Variants in PRKCA observed in about 807,000 individuals in gnomAD.
PRKCA encodes protein kinase C alpha type.
PRKCA carries 27 observed loss-of-function variants against 87.0 expected under a neutral mutation model. That is an observed-to-expected ratio of 0.31 (90% confidence interval 0.23 to 0.43). The LOEUF (loss-of-function observed/expected upper bound fraction) is 0.43. Among genes scored for constraint, PRKCA ranks in the 20% least tolerant of loss-of-function variants. The pLI is 1.00. For synonymous variants in PRKCA, 329 were observed against 311.1 expected (o/e 1.06, Z -0.61); for missense variants, 518 against 852.3 (o/e 0.61, Z 4.88).
chr17:66,701,201 T>G (rs755974031), intron 8 of PRKCA, among the ~76,000 whole-genome samples: 14 of 152,086 alleles, frequency 9.2e-5, no homozygotes, highest in Non-Finnish European at 1.5e-5. Flanking sequence ...AAAGCAAGGA[T>G]AGTCTCTTGA....
rs1398148570 is a variant in PRKCA, at chr17:66,735,486, C to T, written c.1057-3C>T. On this transcript the variant is annotated splice_polypyrimidine_tract_variant and splice_region_variant and intron_variant, in intron 9 of 16. Coordinates refer to ENST00000413366, the MANE Select transcript of PRKCA (RefSeq NM_002737.3). ...GTTCAGGTTGTTCTTGACGTGTTCT[C>T]AGGTGATGCTTGCCGACAGGAAGGG... 3 of 1,614,162 alleles carry T rather than the reference C, an allele frequency of 1.9e-6. No homozygotes were observed. The highest frequency in any genetic ancestry group is 2.2e-5 in the South Asian group (2 of 91,082).
intron 8 of PRKCA, among the ~76,000 whole-genome samples, chr17:66,725,350 A>G (rs917148289): frequency 6.6e-6 from 1 of 152,206 alleles, no homozygotes; most frequent in Non-Finnish European, 1.5e-5. Flanking sequence ...CAGTTCTGTC[A>G]GTCTTAGTGC....
chr17:66,656,783 A>C (rs142067497), intron 5 of PRKCA, among the ~76,000 whole-genome samples: 44 of 152,330 alleles, frequency 2.9e-4, no homozygotes, highest in African/African-American at 1.0e-3. Context: ...ATGTCCTAAA[A>C]TAAATGCAGA....
At chr17:66,514,214 C>T (rs1319250639) in intron 3 of PRKCA, among the ~76,000 whole-genome samples, 3 of 152,136 alleles carry the variant, frequency 2.0e-5, no homozygotes, top group Non-Finnish European at 4.4e-5. Flanking sequence ...GCCACGGTTT[C>T]AGGCATTTAC....
intron 2 of PRKCA, among the ~76,000 whole-genome samples, chr17:66,362,858 C>T (rs1908478003): frequency 6.6e-6 from 1 of 152,096 alleles, no homozygotes; most frequent in Non-Finnish European, 1.5e-5. Context: ...CCATGCCAGG[C>T]TAATTTTTGT....
intron 2 of PRKCA, among the ~76,000 whole-genome samples, chr17:66,439,202 A>G (rs546542215): frequency 5.1e-4 from 77 of 150,158 alleles, no homozygotes; most frequent in Middle Eastern, 3.4e-3. Flanking sequence ...TTTTATTGAG[A>G]CAGAGTCTTG....
At chr17:66,345,395 A>T (rs1333637023) in intron 2 of PRKCA, among the ~76,000 whole-genome samples, 3 of 152,118 alleles carry the variant, frequency 2.0e-5, no homozygotes, top group Non-Finnish European at 4.4e-5. Flanking sequence ...TTTCCTCTGG[A>T]ATCTTGCTTT....
At chr17:66,579,224 G>A (rs907149087) in intron 3 of PRKCA, among the ~76,000 whole-genome samples, 25 of 152,166 alleles carry the variant, frequency 1.6e-4, no homozygotes, top group Non-Finnish European at 2.8e-4. Context: ...CCATAATTAC[G>A]TAATTACCCT....
chr17:66,564,361 G>A (rs1157245249), intron 3 of PRKCA, among the ~76,000 whole-genome samples: 2 of 152,184 alleles, frequency 1.3e-5, no homozygotes, highest in Non-Finnish European at 2.9e-5. Flanking sequence ...TTATAGGTAT[G>A]AGCCACTGTG....
rs147337028 is a variant in PRKCA, at chr17:66,500,489, A to T, written c.288+4206A>T. Among the ~76,000 whole-genome samples the T allele has an allele frequency of 4.6e-5, 7 of 152,336 alleles. No homozygotes were observed. In the East Asian group the frequency reaches 1.3e-3, roughly 29 times the overall value. On this transcript the variant is annotated intron_variant, in intron 3 of 16. Transcript: ENST00000413366. Reference sequence around the variant, plus strand: ...TGAATACCATTTTTCTGCAAATCCCAGAAGTATTGAGCCAGAAGGGGTGTT... The same window carrying T: ...TGAATACCATTTTTCTGCAAATCCCTGAAGTATTGAGCCAGAAGGGGTGTT...
chr17:66,550,613 C>T (rs1968296150), intron 3 of PRKCA, among the ~76,000 whole-genome samples: 2 of 149,892 alleles, frequency 1.3e-5, no homozygotes, highest in African/African-American at 5.0e-5. Context: ...CGTGCCACTG[C>T]ACTCCAGCCT....
chr17:66,499,072 G>A (rs1431185113), intron 3 of PRKCA, among the ~76,000 whole-genome samples: 2 of 152,120 alleles, frequency 1.3e-5, no homozygotes, highest in Non-Finnish European at 1.5e-5. Flanking sequence ...GATGCCTGAC[G>A]CTGGGAGTCA....
At chr17:66,449,504 G>T (rs1342341932) in intron 2 of PRKCA, among the ~76,000 whole-genome samples, 1 of 152,092 alleles carries the variant, frequency 6.6e-6, no homozygotes, top group Non-Finnish European at 1.5e-5. Flanking sequence ...CCAACCAGTA[G>T]TACATCCTCA....
Position 66,319,431 on chromosome 17 carries a change from C to A in PRKCA, c.205+13304C>A, listed in dbSNP as rs1036111708. Among the ~76,000 whole-genome samples the A allele has an allele frequency of 3.3e-5, 5 of 152,200 alleles. No homozygotes were observed. In the East Asian group the frequency reaches 9.7e-4, roughly 29 times the overall value. ...ATTATTAAAGGTCAAAGTTTTATCT[C>A]GAAATTATGAAGCACGTTATTAACT... On this transcript the variant is annotated intron_variant, in intron 2 of 16. Coordinates refer to ENST00000413366, the MANE Select transcript of PRKCA (RefSeq NM_002737.3).
chr17:66,394,601 G>C (rs1910553054), intron 2 of PRKCA, among the ~76,000 whole-genome samples: 1 of 152,096 alleles, frequency 6.6e-6, no homozygotes. Flanking sequence ...GGGCGGATGG[G>C]ACCCATAATA....
chr17:66,785,720 C>G (rs1272835138), intron 14 of PRKCA, among the ~76,000 whole-genome samples: 1 of 152,228 alleles, frequency 6.6e-6, no homozygotes, highest in Non-Finnish European at 1.5e-5. Flanking sequence ...GTTGCTCTGT[C>G]TTAAATAATA....
At chr17:66,772,401 C>T (rs1375117562) in intron 13 of PRKCA, among the ~76,000 whole-genome samples, 1 of 151,940 alleles carries the variant, frequency 6.6e-6, no homozygotes, top group Non-Finnish European at 1.5e-5. Context: ...TCTCATCCTA[C>T]ATGCAGAAAT....
intron 3 of PRKCA, among the ~76,000 whole-genome samples, chr17:66,625,680 A>G (rs1468588037): frequency 6.6e-6 from 1 of 152,194 alleles, no homozygotes; most frequent in Non-Finnish European, 1.5e-5. Context: ...TTAGGTATCT[A>G]TCCTATGTAT....
intron 3 of PRKCA, among the ~76,000 whole-genome samples, chr17:66,605,996 G>A (rs1303469495): frequency 6.6e-6 from 1 of 152,166 alleles, no homozygotes. Context: ...ATGACAAATT[G>A]TGATAATGGG....
Sources: gnomAD v4.1 joint callset for allele counts (sites outside exome capture counted in the v4.1 genomes callset) on GRCh38, gnomAD v4.1.1 for gene constraint, MANE v1.5 for transcripts, NCBI Gene and HGNC (gene_info 2026-07-23, HGNC 2026-07-21) for gene names.